The following PCDHGB1 variants were observed in gnomAD, a reference collection of about 807,000 sequenced individuals.
The protein encoded by PCDHGB1 is protocadherin gamma-B1.
In PCDHGB1, 34 loss-of-function variants were observed where a neutral mutation model predicts 56.6. The observed-to-expected ratio is 0.60, with a 90% CI of 0.46 to 0.80. The LOEUF (loss-of-function observed/expected upper bound fraction) is 0.80, where lower values mean the gene tolerates loss of function less well. Ranked by LOEUF, PCDHGB1 falls within the 30% of genes least tolerant of loss-of-function variation. The pLI, the probability that PCDHGB1 is intolerant of heterozygous loss-of-function variation, is 0.00. For missense variants in PCDHGB1, 1,278 were observed against 1,204.6 expected (o/e 1.06, Z -0.90); for synonymous variants, 561 against 505.9 (o/e 1.11, Z -1.46).
chr5:141,487,857 T>A lies in PCDHGB1; in HGVS notation c.2410-6950T>A. Reference sequence around the variant, plus strand: ...TATCTGAGTAAGAAATGAAAGTAATTGGTGATCAAGAGCCAGGCTGTTGTG... The same window carrying A: ...TATCTGAGTAAGAAATGAAAGTAATAGGTGATCAAGAGCCAGGCTGTTGTG... On this transcript the variant is annotated intron_variant, in intron 1 of 3. Coordinates refer to ENST00000523390, the MANE Select transcript of PCDHGB1 (RefSeq NM_018922.3). The surrounding 1 kb of genome is among the most constrained non-coding windows in gnomAD (Gnocchi z 5.0). The A allele has an allele frequency of 1.0e-6, 1 of 964,674 alleles. No individual in the cohort carries two copies. Among genetic ancestry groups the A allele is most frequent in the Non-Finnish European group, 1.5e-6 (1 of 659,920 alleles). 59.8% of individuals were successfully genotyped at this position (964,674 alleles called of 1,614,324 possible). A position where few individuals can be genotyped will look rare whatever the true frequency, so the allele number is the denominator to read the frequency against.
chr5:141,381,988 C>A (rs1777837622), intron 1 of PCDHGB1, among the ~76,000 whole-genome samples: 1 of 151,770 alleles, frequency 6.6e-6, no homozygotes, highest in South Asian at 2.1e-4. Flanking sequence ...CGCCACCACG[C>A]CCGGATAATT....
chr5:141,477,431 G>T lies in PCDHGB1; in HGVS notation c.2410-17376G>T. 3 of 1,614,080 alleles carry T rather than the reference G, an allele frequency of 1.9e-6. No homozygotes were observed. The highest frequency in any genetic ancestry group is 2.5e-6 in the Non-Finnish European group (3 of 1,180,012). On this transcript the variant is annotated intron_variant, in intron 1 of 3. Transcript: ENST00000523390. This position sits in a 1 kb window ranked among gnomAD's most constrained non-coding sequence, Gnocchi z 4.9. ...AGACGCCGGAACCCCTTCCCTCTCA[G>T]CCCTTACAATAGTGCGTGTTCAAGT...
chr5:141,371,426 C>G, intron 1 of PCDHGB1: 1 of 1,613,892 alleles, frequency 6.2e-7, no homozygotes, highest in Non-Finnish European at 8.5e-7. Flanking sequence ...ATGACAATGC[C>G]CCGGAGATAA....
chr5:141,412,219 C>T (rs549742411), intron 1 of PCDHGB1: 1 of 152,334 alleles, frequency 6.6e-6, no homozygotes, highest in African/African-American at 2.4e-5. Context: ...TAAACACTTA[C>T]TTGTTAAAAA....
At chr5:141,369,970 G>T (rs1204473207) in intron 1 of PCDHGB1, among the ~76,000 whole-genome samples, 5 of 152,088 alleles carry the variant, frequency 3.3e-5, no homozygotes, top group Non-Finnish European at 7.4e-5. Context: ...ACAAGTAAAA[G>T]GTACTTGATT....
intron 1 of PCDHGB1, chr5:141,356,921 G>C (rs767463186): frequency 1.9e-6 from 3 of 1,613,860 alleles, no homozygotes; most frequent in African/African-American, 2.7e-5. Context: ...GGCTCCACTG[G>C]TGTGGAGCTG....
chr5:141,425,795 T>A (rs2096894407), intron 1 of PCDHGB1, among the ~76,000 whole-genome samples: 1 of 152,244 alleles, frequency 6.6e-6, no homozygotes, highest in Non-Finnish European at 1.5e-5. Flanking sequence ...TTCCAATATG[T>A]GCATTGCTTC....
chr5:141,351,498 AC>A lies in PCDHGB1; in HGVS notation c.1239del (p.Tyr414ThrfsTer6), dbSNP rs1758736797. ...GCCCTAAACCGGGAGCAGACAGCAG[AC>A]TACAACGTCACAATCATAGCCACCG... is the stretch of plus-strand genomic sequence containing the variant. Reference protein sequence around the residue: ...AGALNREQTADYNVTIIATDK... With the variant: ...AGALNREQTAXYNVTIIATDK... On this transcript the variant is annotated frameshift_variant, in exon 1 of 4. Transcript: ENST00000523390. LOFTEE classifies it high-confidence loss of function. 1 of 1,613,898 alleles carries A rather than the reference AC, an allele frequency of 6.2e-7. No individual in the cohort carries two copies. Among genetic ancestry groups the A allele is most frequent in the African/African-American group, 1.3e-5 (1 of 74,936 alleles).
chr5:141,459,084 A>T (rs2098960410), intron 1 of PCDHGB1, among the ~76,000 whole-genome samples: 2 of 152,204 alleles, frequency 1.3e-5, no homozygotes, highest in Non-Finnish European at 2.9e-5. Flanking sequence ...TGCCTTTTAA[A>T]ATTATACAGT....
At position 141,485,413 on chromosome 5, in the gene PCDHGB1, C is replaced by T; in HGVS notation, c.2410-9394C>T. ...AAAGACACTTCCGTGTGGATTTGGA[C>T]AGCGGAGCCCTGCTCATCAAGAACC... On this transcript the variant is annotated intron_variant, in intron 1 of 3. Transcript: ENST00000523390. The surrounding 1 kb of genome is among the most constrained non-coding windows in gnomAD (Gnocchi z 5.7). The T allele has an allele frequency of 6.2e-7, 1 of 1,614,158 alleles. No individual in the cohort carries two copies. The highest frequency in any genetic ancestry group is 8.5e-7 in the Non-Finnish European group (1 of 1,180,030).
intron 1 of PCDHGB1, chr5:141,427,194 T>G (rs759512205): frequency 6.6e-6 from 3 of 456,512 alleles, no homozygotes; most frequent in Non-Finnish European, 1.3e-5. Context: ...ATCCAAAGAC[T>G]TAATAGACTT....
chr5:141,371,930 G>A (rs755224038), intron 1 of PCDHGB1: 5 of 1,613,242 alleles, frequency 3.1e-6, no homozygotes, highest in Non-Finnish European at 3.4e-6. Context: ...CGCGGAGCGG[G>A]GTGGTGTTCG....
chr5:141,383,238 A>G (rs1381388622), intron 1 of PCDHGB1: 1 of 1,613,848 alleles, frequency 6.2e-7, no homozygotes, highest in Non-Finnish European at 8.5e-7. Flanking sequence ...TGGAAGATAA[A>G]ATGAATCTTT....
intron 1 of PCDHGB1, chr5:141,370,872 C>A (rs201155008): frequency 6.2e-7 from 1 of 1,614,014 alleles, no homozygotes; most frequent in Admixed American, 1.7e-5. Flanking sequence ...TGCGCAAGAT[C>A]CTGATGTAGG....
Position 141,351,409 on chromosome 5 carries a change from G to A in PCDHGB1, c.1149G>A (p.Gln383=). 1.2e-6 allele frequency: 2 copies of A among 1,611,420 alleles called. No homozygotes were observed. Among genetic ancestry groups the A allele is most frequent in the Non-Finnish European group, 1.7e-6 (2 of 1,178,598 alleles). Reference sequence around the variant, plus strand: ...ATGGCATGGTGACATGCTATACTCAGGAAGAAGTTCCTTTCAAATTAGAAT... The same window carrying A: ...ATGGCATGGTGACATGCTATACTCAAGAAGAAGTTCCTTTCAAATTAGAAT... ...GQNGMVTCYT[Q]EEVPFKLEST... is the part of the protein sequence containing the mutation. Residue 383 remains glutamine, a synonymous_variant, in exon 1 of 4, where the codon CAG becomes CAA. Coordinates refer to ENST00000523390, the MANE Select transcript of PCDHGB1 (RefSeq NM_018922.3).
intron 1 of PCDHGB1, among the ~76,000 whole-genome samples, chr5:141,465,984 T>C (rs11953841): frequency 0.18 from 27,399 of 151,848 alleles, 2,640 homozygotes; most frequent in Admixed American, 0.28. Context: ...TAGCCGGGCA[T>C]GGTGGCAGGC....
chr5:141,491,284 A>C lies in PCDHGB1; in HGVS notation c.2410-3523A>C. ...AATGCCCAAATCCAGTGACTTCCTC[A>C]TACACCCTCCTGAGCGTTCAGACCT... On this transcript the variant is annotated intron_variant, in intron 1 of 3. Transcript: ENST00000523390. The surrounding 1 kb of genome is among the most constrained non-coding windows in gnomAD (Gnocchi z 6.9). 1.2e-6 allele frequency: 2 copies of C among 1,614,128 alleles called. No homozygotes were observed. The highest frequency in any genetic ancestry group is 1.7e-6 in the Non-Finnish European group (2 of 1,179,978).
Position 141,383,585 on chromosome 5 carries a change from A to G in PCDHGB1, c.2409+30916A>G, listed in dbSNP as rs1779292169. The stretch of plus-strand genomic sequence containing the variant: ...CCCCGATCCAGCACCGCCCACATCC[A>G]GGTGACAGTGGTGGATGTGAATGAC... On this transcript the variant is annotated intron_variant, in intron 1 of 3. Coordinates refer to ENST00000523390, the MANE Select transcript of PCDHGB1 (RefSeq NM_018922.3). The G allele has an allele frequency of 4.3e-6, 7 of 1,613,646 alleles. No individual in the cohort carries two copies. Among genetic ancestry groups the G allele is most frequent in the Non-Finnish European group, 5.9e-6 (7 of 1,179,852 alleles).
chr5:141,353,696 T>A (rs1189851065), intron 1 of PCDHGB1, among the ~76,000 whole-genome samples: 1 of 152,250 alleles, frequency 6.6e-6, no homozygotes, highest in East Asian at 1.9e-4. Context: ...GCGTTTTCCA[T>A]ACTTCTTGTT....
Sources: gnomAD v4.1 joint callset for allele counts (sites outside exome capture counted in the v4.1 genomes callset) on GRCh38, gnomAD v4.1.1 for gene constraint, Gnocchi (gnomAD v3.1) non-coding constraint, MANE v1.5 for transcripts, NCBI Gene and HGNC (gene_info 2026-07-23, HGNC 2026-07-21) for gene names.